MBNL2: variants seen among roughly 807,000 people sequenced by gnomAD.
MBNL2 encodes the protein muscleblind like splicing regulator 2.
MBNL2 carries 17 observed loss-of-function variants against 41.9 expected under a neutral mutation model. The ratio of observed to expected loss-of-function variants is 0.41; its 90% CI spans 0.28 to 0.61. The LOEUF is 0.61. Ranked by LOEUF, MBNL2 falls within the 20% of genes least tolerant of loss-of-function variation. The pLI is 0.35. For missense variants in MBNL2, 336 were observed against 505.6 expected (o/e 0.66, Z 3.22); for synonymous variants, 195 against 182.9 (o/e 1.07, Z -0.53).
chr13:97,308,352 G>C (rs2058306409), intron 2 of MBNL2, among the ~76,000 whole-genome samples: 1 of 152,178 alleles, frequency 6.6e-6, no homozygotes. Flanking sequence ...TCTCAATTAT[G>C]CATGCTGGTG....
At chr13:97,178,289 ACTAT>A in the MBNL2 span, among the ~76,000 whole-genome samples, 10 of 152,234 alleles carry the variant, frequency 6.6e-5, no homozygotes, top group African/African-American at 1.9e-4. Context: ...TATGTGTTTA[ACTAT>A]CTGAGACGAA....
chr13:97,258,979 T>C (rs1033857394), intron 1 of MBNL2, among the ~76,000 whole-genome samples: 15 of 152,182 alleles, frequency 9.9e-5, no homozygotes, highest in African/African-American at 3.1e-4. Flanking sequence ...CCCCAGAGTA[T>C]GCAATGCTGA....
chr13:97,250,746 G>A (rs1005278747), intron 1 of MBNL2, among the ~76,000 whole-genome samples: 1 of 152,094 alleles, frequency 6.6e-6, no homozygotes, highest in Non-Finnish European at 1.5e-5. Context: ...ATTTTAGACA[G>A]CCTCACTTCC....
At chr13:97,312,455 G>A (rs935314432) in intron 2 of MBNL2, among the ~76,000 whole-genome samples, 1 of 152,032 alleles carries the variant, frequency 6.6e-6, no homozygotes, top group African/African-American at 2.4e-5. Flanking sequence ...CTCTTTTACT[G>A]GAGGTAGGTA....
At chr13:97,258,772 G>C (rs752125842) in intron 1 of MBNL2, among the ~76,000 whole-genome samples, 1 of 152,188 alleles carries the variant, frequency 6.6e-6, no homozygotes, top group Non-Finnish European at 1.5e-5. Context: ...ACAACTGGAT[G>C]GCTCTTTCTG....
chr13:97,378,062 AATT>A (rs2065117601), intron 8 of MBNL2, among the ~76,000 whole-genome samples: 1 of 146,888 alleles, frequency 6.8e-6, no homozygotes, highest in Non-Finnish European at 1.5e-5. Flanking sequence ...CTGATCTAAG[AATT>A]ATTAATAAAC....
chr13:97,329,625 ACTAGACACACAACAC>A (rs2060206021), intron 2 of MBNL2, among the ~76,000 whole-genome samples: 2 of 151,970 alleles, frequency 1.3e-5, no homozygotes, highest in Non-Finnish European at 2.9e-5. Context: ...ACACACACAC[ACTAGACACACAACAC>A]ACACACAATA....
At chr13:97,180,400 T>C in the MBNL2 span, among the ~76,000 whole-genome samples, 1 of 152,124 alleles carries the variant, frequency 6.6e-6, no homozygotes, top group Middle Eastern at 3.2e-3. Flanking sequence ...AATAGAAGAA[T>C]GGGCTGAGTT....
At chr13:97,259,924 T>C (rs753459300) in intron 1 of MBNL2, among the ~76,000 whole-genome samples, 7 of 152,210 alleles carry the variant, frequency 4.6e-5, no homozygotes, top group Non-Finnish European at 8.8e-5. Flanking sequence ...ACTCAGCAAA[T>C]ATCTATTCAC....
chr13:97,389,466 T>C (rs1594304820), intron 8 of MBNL2, among the ~76,000 whole-genome samples: 1 of 151,700 alleles, frequency 6.6e-6, no homozygotes. Context: ...ACTTTGGGAG[T>C]CTGAGGTGGA....
intron 3 of MBNL2, among the ~76,000 whole-genome samples, chr13:97,339,882 G>GGA (rs2061305307): frequency 7.0e-6 from 1 of 142,016 alleles, no homozygotes; most frequent in African/African-American, 2.7e-5. Context: ...GGCGGGGGGG[G>GGA]CGTTGTTTTT....
At chr13:97,349,227 C>T in intron 5 of MBNL2, among the ~76,000 whole-genome samples, 1 of 152,144 alleles carries the variant, frequency 6.6e-6, no homozygotes, top group Non-Finnish European at 1.5e-5. Context: ...AGAAATTCTC[C>T]CTTTTTTTCT....
chr13:97,338,357 G>T (rs1018337480), intron 3 of MBNL2, among the ~76,000 whole-genome samples: 10 of 152,086 alleles, frequency 6.6e-5, no homozygotes, highest in African/African-American at 2.2e-4. Context: ...CTACCAGCGA[G>T]CCCTCCTCCT....
At chr13:97,163,476 G>A in the MBNL2 span, among the ~76,000 whole-genome samples, 3 of 152,150 alleles carry the variant, frequency 2.0e-5, no homozygotes, top group African/African-American at 7.2e-5. Context: ...GAAGGGGACT[G>A]ATCTCCAAAA....
Position 97,393,880 on chromosome 13 carries a change from A to G in MBNL2, c.*2431A>G, listed in dbSNP as rs1566461310. The G allele has an allele frequency of 6.6e-6, 1 of 152,568 alleles. No individual in the cohort carries two copies. Among genetic ancestry groups the G allele is most frequent in the Non-Finnish European group, 1.5e-5 (1 of 67,988 alleles). 9.5% of individuals were successfully genotyped at this position (152,568 alleles called of 1,614,324 possible). On this transcript the variant is annotated 3_prime_UTR_variant, in exon 9 of 9. Coordinates refer to ENST00000679496, the MANE Select transcript of MBNL2 (RefSeq NM_001382683.1). Reference sequence around the variant, plus strand: ...GTTAAGAGACTAACTCTCCACTTGTATGGGAACTACATTTCACTCTTGGTT... The same window carrying G: ...GTTAAGAGACTAACTCTCCACTTGTGTGGGAACTACATTTCACTCTTGGTT...
At chr13:97,192,208 AG>A in the MBNL2 span, among the ~76,000 whole-genome samples, 4 of 152,322 alleles carry the variant, frequency 2.6e-5, no homozygotes, top group African/African-American at 9.6e-5. Flanking sequence ...TCAGAAAAAA[AG>A]AGAGGAAAAA....
chr13:97,327,839 G>A (rs2060036415), intron 2 of MBNL2, among the ~76,000 whole-genome samples: 1 of 152,134 alleles, frequency 6.6e-6, no homozygotes, highest in African/African-American at 2.4e-5. Flanking sequence ...ACAGTGATAA[G>A]GAAATGGAGC....
chr13:97,201,451 A>C, the MBNL2 span, among the ~76,000 whole-genome samples: 2 of 152,218 alleles, frequency 1.3e-5, no homozygotes. Flanking sequence ...GGATGAACAA[A>C]TGGATTGATA....
At chr13:97,258,750 G>A (rs1240128239) in intron 1 of MBNL2, among the ~76,000 whole-genome samples, 1 of 152,184 alleles carries the variant, frequency 6.6e-6, no homozygotes, top group East Asian at 1.9e-4. Flanking sequence ...GCTGGATGTG[G>A]AAAGAGTTTG....
Sources: allele counts gnomAD v4.1 joint callset (sites outside exome capture counted in the v4.1 genomes callset), GRCh38; gene constraint gnomAD v4.1.1; transcripts MANE v1.5; gene names NCBI Gene and HGNC (gene_info 2026-07-23, HGNC 2026-07-21).